The following CCDC73 variants were observed in gnomAD, a reference collection of about 807,000 sequenced individuals.
CCDC73 encodes the protein coiled-coil domain-containing protein 73.
CCDC73 carries 95 observed loss-of-function variants against 116.5 expected under a neutral mutation model. That is an observed-to-expected ratio of 0.82 (90% CI 0.69 to 0.97). The LOEUF is 0.97. Among genes scored for constraint, CCDC73 ranks in the 50% least tolerant of loss-of-function variants. The pLI, the probability that CCDC73 is intolerant of heterozygous loss-of-function variation, is 0.00. For synonymous variants in CCDC73, 398 were observed against 401.3 expected, an observed-to-expected ratio of 0.99 and a Z score of 0.10; for missense variants, 1,066 against 1,206.8, an observed-to-expected ratio of 0.88 and a Z score of 1.73.
chr11:32,782,533 T>C (rs1850592887), intron 1 of CCDC73, among the ~76,000 whole-genome samples: 2 of 152,196 alleles, frequency 1.3e-5, no homozygotes, highest in African/African-American at 4.8e-5. Flanking sequence ...TGGTGCCCCA[T>C]TCTTAAATAC....
chr11:32,813,359 C>T, the CCDC73 span, among the ~76,000 whole-genome samples: 11 of 152,076 alleles, frequency 7.2e-5, no homozygotes, highest in African/African-American at 1.7e-4. Context: ...TGAGCTCAAG[C>T]GATCCTCCCC....
intron 2 of CCDC73, among the ~76,000 whole-genome samples, chr11:32,757,041 T>C (rs1466790831): frequency 6.6e-6 from 1 of 152,110 alleles, no homozygotes; most frequent in Non-Finnish European, 1.5e-5. Flanking sequence ...GAAAATCCCT[T>C]AGGTATCCAT....
chr11:32,790,177 A>T (rs1000800763), intron 1 of CCDC73, among the ~76,000 whole-genome samples: 1 of 152,208 alleles, frequency 6.6e-6, no homozygotes, highest in African/African-American at 2.4e-5. Context: ...TAAGGAGGCT[A>T]AACTAATACC....
At chr11:32,763,376 G>A (rs187948066) in intron 1 of CCDC73, among the ~76,000 whole-genome samples, 114 of 152,326 alleles carry the variant, frequency 7.5e-4, no homozygotes, top group African/African-American at 2.4e-3. Context: ...TCACATGGCC[G>A]GGTACCCCTC....
intron 1 of CCDC73, among the ~76,000 whole-genome samples, chr11:32,792,817 A>G (rs1269890502): frequency 1.3e-5 from 2 of 152,206 alleles, no homozygotes; most frequent in African/African-American, 4.8e-5. Context: ...TCAGCCTTGC[A>G]TTGTTATTTA....
At chr11:32,722,292 AAAAAAAGGTTAAC>A (rs1366465804) in intron 2 of CCDC73, among the ~76,000 whole-genome samples, 1 of 152,156 alleles carries the variant, frequency 6.6e-6, no homozygotes, top group African/African-American at 2.4e-5. Context: ...GTATTCTCTT[AAAAAAAGGTTAAC>A]AAAAGCTTTT....
Position 32,744,024 on chromosome 11 carries a change from G to C in CCDC73, c.135+16085C>G, listed in dbSNP as rs186821419. Among the ~76,000 whole-genome samples, 298 of 152,282 alleles carry C rather than the reference G, an allele frequency of 2.0e-3. 1 individual carries two copies. The highest frequency in any genetic ancestry group is 3.1e-3 in the Admixed American group (47 of 15,286). On this transcript the variant is annotated intron_variant, in intron 2 of 17. Transcript: ENST00000335185. ...AATGCTTCCAGTCTTTGCCCATTCA[G>C]TATGATATTGGCTGTGGGTTTGTCC...
At chr11:32,829,805 G>A in the CCDC73 span, 1 of 985,418 alleles carries the variant, frequency 1.0e-6, no homozygotes, top group South Asian at 4.7e-5. Context: ...TGGGGCGGCT[G>A]AGAGCGCAGC....
In CCDC73 at chr11:32,615,953, T is replaced by G; in HGVS notation, c.1362A>C (p.Glu454Asp). The G allele has an allele frequency of 6.4e-7, 1 of 1,560,132 alleles. No individual in the cohort carries two copies. Among genetic ancestry groups the G allele is most frequent in the Non-Finnish European group, 8.7e-7 (1 of 1,143,020 alleles). The change falls in exon 15 of 18, where the codon GAA (glutamate) becomes GAC (aspartate). Residue 454 changes from glutamate to aspartate, a missense_variant. Glu to Asp is a conservative substitution (Grantham distance 45). Coordinates refer to ENST00000335185, the MANE Select transcript of CCDC73 (RefSeq NM_001008391.4). ...EEKKEGSFIE[E>D]IIIDDLQLFE... ...TTTTAAGGTTACCATCTATAATTAT[T>G]TCCTCTATAAATGAGCCTTCTTTTT...
intron 3 of CCDC73, among the ~76,000 whole-genome samples, chr11:32,705,330 C>T (rs762689240): frequency 3.3e-5 from 5 of 152,176 alleles, no homozygotes; most frequent in Admixed American, 6.5e-5. Flanking sequence ...AGTGGTAACA[C>T]CCTCTTTTGG....
intron 13 of CCDC73, among the ~76,000 whole-genome samples, chr11:32,639,593 T>G (rs1203600254): frequency 6.6e-6 from 1 of 151,882 alleles, no homozygotes; most frequent in Non-Finnish European, 1.5e-5. Flanking sequence ...GGATTACAGG[T>G]GCCCACCACC....
chr11:32,665,992 C>A (rs1003994010), intron 9 of CCDC73, among the ~76,000 whole-genome samples: 11 of 152,222 alleles, frequency 7.2e-5, no homozygotes, highest in African/African-American at 2.7e-4. Context: ...ATGGCCCACA[C>A]TCTCTTCTGG....
At chr11:32,826,359 G>A in the CCDC73 span, among the ~76,000 whole-genome samples, 10 of 152,268 alleles carry the variant, frequency 6.6e-5, no homozygotes, top group Admixed American at 5.9e-4. Context: ...GATAGTCATC[G>A]ATGTGCCTTT....
intron 14 of CCDC73, among the ~76,000 whole-genome samples, chr11:32,624,693 T>C (rs1855554187): frequency 6.6e-6 from 1 of 152,246 alleles, no homozygotes; most frequent in African/African-American, 2.4e-5. Context: ...CAAAGGATTA[T>C]AAATCATGCT....
rs559246298 is a variant in CCDC73, at chr11:32,689,811, T to C, written c.391-6237A>G. ...GAGATCGAGACCATCCTGGCTAGCA[T>C]GGTGAAACCCCGTCTCTACTAAAAA... On this transcript the variant is annotated intron_variant, in intron 6 of 17. Transcript: ENST00000335185. 5.9e-5 allele frequency among the ~76,000 whole-genome samples: 9 copies of C among 152,130 alleles called. No individual in the cohort carries two copies. The East Asian group carries it at 1.4e-3, about 23-fold the overall frequency.
intron 2 of CCDC73, among the ~76,000 whole-genome samples, chr11:32,755,864 T>C (rs1850335841): frequency 7.6e-6 from 1 of 130,760 alleles, no homozygotes; most frequent in Non-Finnish European, 1.6e-5. Context: ...TGTGTATATA[T>C]CTCCATATAT....
At chr11:32,606,951 ATT>A (rs1462081878) in intron 17 of CCDC73, among the ~76,000 whole-genome samples, 6 of 148,352 alleles carry the variant, frequency 4.0e-5, no homozygotes, top group African/African-American at 1.5e-4. Context: ...CAGTTTTTGT[ATT>A]TTTAGTAGAG....
chr11:32,665,879 G>C (rs989281649), intron 9 of CCDC73, among the ~76,000 whole-genome samples: 1 of 152,146 alleles, frequency 6.6e-6, no homozygotes, highest in East Asian at 1.9e-4. Flanking sequence ...CTCAGCATTT[G>C]CTTGTCTATA....
intron 17 of CCDC73, among the ~76,000 whole-genome samples, chr11:32,609,110 C>T (rs1855390082): frequency 1.3e-5 from 2 of 152,210 alleles, no homozygotes; most frequent in African/African-American, 4.8e-5. Flanking sequence ...GATTAACATT[C>T]AGCTCCTTGT....
Sources: allele counts gnomAD v4.1 joint callset (sites outside exome capture counted in the v4.1 genomes callset), GRCh38; gene constraint gnomAD v4.1.1; transcripts MANE v1.5; gene names NCBI Gene and HGNC (gene_info 2026-07-23, HGNC 2026-07-21).